Variants in ZNF469 observed in about 807,000 individuals in gnomAD.
ZNF469 encodes zinc finger protein 469.
A neutral mutation model predicts 1.0 loss-of-function variants in ZNF469; 1 was observed. That is an observed-to-expected ratio of 1.00 (90% CI 0.35 to 4.73). The LOEUF (loss-of-function observed/expected upper bound fraction) is 4.73, where lower values mean the gene tolerates loss of function less well. ZNF469 is among the 30% of genes most tolerant of loss of function. The probability of loss-of-function intolerance (pLI) is 0.16; values close to 1 mark genes in which losing one functional copy is unlikely to be tolerated. For synonymous variants in ZNF469, 2,703 were observed against 2,363.4 expected (o/e 1.14, Z -4.17); for missense variants, 6,100 against 5,356.3 (o/e 1.14, Z -4.33).
the ZNF469 span, among the ~76,000 whole-genome samples, chr16:88,295,832 C>T: frequency 5.9e-5 from 9 of 152,156 alleles, no homozygotes; most frequent in Admixed American, 2.6e-4. Flanking sequence ...CTGCTCTCTG[C>T]GTGGAATGAC....
At chr16:88,394,640 C>T (rs1301893548) in intron 1 of ZNF469, among the ~76,000 whole-genome samples, 3 of 152,166 alleles carry the variant, frequency 2.0e-5, no homozygotes, top group Non-Finnish European at 2.9e-5. Flanking sequence ...TCTCCTCTGC[C>T]GCCTGGTGAG....
At chr16:88,229,606 T>TGGATGTCACGC in the ZNF469 span, among the ~76,000 whole-genome samples, 2 of 65,860 alleles carry the variant, frequency 3.0e-5, no homozygotes, top group Admixed American at 1.5e-4. Context: ...ATGTCACGCG[T>TGGATGTCACGC]GTGTGCTGAT....
At chr16:88,136,205 C>T in the ZNF469 span, among the ~76,000 whole-genome samples, 8 of 152,284 alleles carry the variant, frequency 5.3e-5, no homozygotes, top group East Asian at 5.8e-4. Context: ...GGTTCCTCTG[C>T]GTGGGGGAGG....
chr16:88,263,326 C>T, the ZNF469 span, among the ~76,000 whole-genome samples: 2 of 152,166 alleles, frequency 1.3e-5, no homozygotes, highest in East Asian at 1.9e-4. Flanking sequence ...AGGCCCTTGT[C>T]GCAGGCTGGG....
At position 88,430,559 on chromosome 16, in the gene ZNF469, T is replaced by C. The variant is rs995451795; in HGVS notation, c.3089T>C (p.Leu1030Pro). 6.8e-7 allele frequency: 1 copy of C among 1,472,124 alleles called. No individual in the cohort carries two copies. Among genetic ancestry groups the C allele is most frequent in the Admixed American group, 2.4e-5 (1 of 42,140 alleles). 91.2% of individuals were successfully genotyped at this position (1,472,124 alleles called of 1,614,324 possible). ...EETRSSRRRR[L>P]PPRKDPRKRK... Reference sequence around the variant, plus strand: ...ACCCGCAGCTCCCGGCGCCGCCGGCTGCCCCCCAGGAAGGACCCCAGGAAG... The same window carrying C: ...ACCCGCAGCTCCCGGCGCCGCCGGCCGCCCCCCAGGAAGGACCCCAGGAAG... Residue 1030 changes from leucine to proline, a missense_variant, in exon 3 of 3, where the codon CTG becomes CCG. Coordinates refer to ENST00000565624, the MANE Select transcript of ZNF469 (RefSeq NM_001367624.2).
chr16:88,219,365 A>G, the ZNF469 span, among the ~76,000 whole-genome samples: 2 of 136,430 alleles, frequency 1.5e-5, no homozygotes, highest in Admixed American at 1.5e-4. Flanking sequence ...CTGACTTCAA[A>G]CTATACTACA....
At chr16:88,184,048 G>A in the ZNF469 span, among the ~76,000 whole-genome samples, 2 of 151,920 alleles carry the variant, frequency 1.3e-5, no homozygotes, top group African/African-American at 4.8e-5. Context: ...GGCACTTTGA[G>A]GCGGGCAGAA....
At chr16:88,130,604 G>A in the ZNF469 span, among the ~76,000 whole-genome samples, 346 of 151,934 alleles carry the variant, frequency 2.3e-3, no homozygotes, top group African/African-American at 7.9e-3. Flanking sequence ...TACTCGGGAG[G>A]CTGAGGTAGG....
chr16:88,321,056 G>A, the ZNF469 span, among the ~76,000 whole-genome samples: 4 of 152,256 alleles, frequency 2.6e-5, no homozygotes. Context: ...GTGGGGACGT[G>A]AGGGCCTTCC....
intron 1 of ZNF469, among the ~76,000 whole-genome samples, chr16:88,397,795 G>A (rs1265262450): frequency 1.3e-5 from 2 of 152,150 alleles, no homozygotes; most frequent in Admixed American, 6.5e-5. Context: ...GAGAATGTTG[G>A]AAATCCCCTC....
At chr16:88,404,576 C>G (rs1028943601) in intron 1 of ZNF469, among the ~76,000 whole-genome samples, 7 of 152,162 alleles carry the variant, frequency 4.6e-5, no homozygotes, top group African/African-American at 1.7e-4. Flanking sequence ...AGGGGAAGAA[C>G]TGGGAGGCCT....
At chr16:88,116,467 A>ACCCG in the ZNF469 span, among the ~76,000 whole-genome samples, 1 of 152,192 alleles carries the variant, frequency 6.6e-6, no homozygotes, top group African/African-American at 2.4e-5. Context: ...AAAAGTAAAC[A>ACCCG]CCCGACTAAT....
chr16:88,122,664 A>G, the ZNF469 span, among the ~76,000 whole-genome samples: 2 of 152,026 alleles, frequency 1.3e-5, no homozygotes, highest in Non-Finnish European at 2.9e-5. Flanking sequence ...AAAGGCAAAC[A>G]CAGTCAGTTT....
At chr16:88,377,003 A>G in the ZNF469 span, among the ~76,000 whole-genome samples, 4 of 152,238 alleles carry the variant, frequency 2.6e-5, no homozygotes, top group Non-Finnish European at 4.4e-5. Flanking sequence ...GAGGCACCAG[A>G]AGGCCAGGCC....
chr16:88,436,844 G>C lies in ZNF469; in HGVS notation c.9374G>C (p.Arg3125Pro), dbSNP rs1225758586. 1.3e-6 allele frequency: 2 copies of C among 1,531,968 alleles called. No homozygotes were observed. Among genetic ancestry groups the C allele is most frequent in the African/African-American group, 2.7e-5 (2 of 72,840 alleles). 94.9% of individuals were successfully genotyped at this position (1,531,968 alleles called of 1,614,324 possible). A position where few individuals can be genotyped will look rare whatever the true frequency, so the allele number is the denominator to read the frequency against. ...TGCAAAGTGTGCTTCCAGCGCTTCC[G>C]CAGCCTGGGCGAGCTGGACCTGCAC... The part of the protein sequence containing the change: ...YKCKVCFQRF[R>P]SLGELDLHKL... Residue 3125 changes from arginine to proline, a missense_variant, in exon 3 of 3, where the codon CGC becomes CCC. Transcript: ENST00000565624.
chr16:88,208,803 A>ACACACACTCT, the ZNF469 span, among the ~76,000 whole-genome samples: 2 of 123,564 alleles, frequency 1.6e-5, no homozygotes, highest in African/African-American at 6.3e-5. Context: ...ACACACACAC[A>ACACACACTCT]CTCTCTCTCT....
intron 1 of ZNF469, among the ~76,000 whole-genome samples, chr16:88,418,579 ACAT>A (rs1157874083): frequency 6.7e-6 from 1 of 150,188 alleles, no homozygotes; most frequent in East Asian, 2.0e-4. Context: ...ATTTTCGAAG[ACAT>A]CATTTTCTTT....
the ZNF469 span, among the ~76,000 whole-genome samples, chr16:88,344,630 A>T: frequency 6.6e-6 from 1 of 152,138 alleles, no homozygotes; most frequent in Non-Finnish European, 1.5e-5. Context: ...GCTGCTGTGC[A>T]CCCTCAGGCG....
the ZNF469 span, among the ~76,000 whole-genome samples, chr16:88,144,573 G>A: frequency 1.3e-5 from 2 of 152,242 alleles, no homozygotes; most frequent in African/African-American, 4.8e-5. Flanking sequence ...CACAGACGCA[G>A]TGTGTGCTGC....
Sources: allele counts gnomAD v4.1 joint callset (sites outside exome capture counted in the v4.1 genomes callset), GRCh38; gene constraint gnomAD v4.1.1; transcripts MANE v1.5; gene names NCBI Gene and HGNC (gene_info 2026-07-23, HGNC 2026-07-21).